The following DOCK9 variants were observed in gnomAD, a reference collection of about 807,000 sequenced individuals.
The protein encoded by DOCK9 is dedicator of cytokinesis 9.
A neutral mutation model predicts 263.3 loss-of-function variants in DOCK9; 89 were observed. The ratio of observed to expected loss-of-function variants is 0.34; its 90% confidence interval spans 0.28 to 0.40. DOCK9 has a LOEUF of 0.40. DOCK9 is among the 10% of genes least tolerant of loss of function. The probability of loss-of-function intolerance (pLI) is 1.00; values close to 1 mark genes in which losing one functional copy is unlikely to be tolerated. For synonymous variants in DOCK9, 976 were observed against 973.1 expected (o/e 1.00, Z -0.06); for missense variants, 2,140 against 2,603.4 (o/e 0.82, Z 3.87).
At chr13:98,902,209 A>C in intron 12 of DOCK9, 79 bp downstream of exon 12, 1 of 1,490,456 alleles carries the variant, frequency 6.7e-7, no homozygotes, top group Admixed American at 1.9e-5. Context: ...TACAAGGTCT[A>C]ATTTGAGCAT....
rs1425147014 is a variant in DOCK9, at chr13:98,874,976, C to G, written c.2943+4922G>C. On this transcript the variant is annotated intron_variant, in intron 27 of 52. Transcript: ENST00000682017. ...TCCAGCCTGAACTCTGCCCCAGCGGCCTTACCTGGGCCTGAGCTATTTCCT... is the reference window on the plus strand; with the variant it reads ...TCCAGCCTGAACTCTGCCCCAGCGGGCTTACCTGGGCCTGAGCTATTTCCT... 2.6e-5 allele frequency among the ~76,000 whole-genome samples: 4 copies of G among 152,166 alleles called. No individual in the cohort carries two copies. In the East Asian group the frequency reaches 7.7e-4, roughly 29 times the overall value.
Position 98,881,978 on chromosome 13 carries a change from C to T in DOCK9, c.2589G>A (p.Met863Ile), listed in dbSNP as rs2142737606. Residue 863 changes from methionine (M) to isoleucine (I), a missense_variant, in exon 24 of 53, where the codon ATG (methionine) becomes ATA (isoleucine). Transcript: ENST00000682017. The stretch of plus-strand genomic sequence containing the variant: ...TTAGGATAGTGGGCAAGAAGGCGAT[C>T]ATCACGTGGCCTTCCATCGCATGCA... ...KSLHAMEGHVMIAFLPTILNQ... is the reference protein window; with the variant it reads ...KSLHAMEGHVIIAFLPTILNQ... The T allele has an allele frequency of 6.3e-7, 1 of 1,596,826 alleles. No individual in the cohort carries two copies. Among genetic ancestry groups the T allele is most frequent in the East Asian group, 2.3e-5 (1 of 44,312 alleles).
intron 50 of DOCK9, 52 bp from the exon 51 acceptor site, chr13:98,797,541 C>A: frequency 6.7e-7 from 1 of 1,485,408 alleles, no homozygotes; most frequent in South Asian, 1.2e-5. Flanking sequence ...ATCACCATGA[C>A]CATCTGCTCA....
intron 2 of DOCK9, among the ~76,000 whole-genome samples, chr13:98,937,837 T>A (rs1364245188): frequency 6.6e-6 from 1 of 152,344 alleles, no homozygotes; most frequent in Middle Eastern, 3.4e-3. Flanking sequence ...AGATCCTTTT[T>A]ACTTAAAAAA....
chr13:99,086,339 G>C, exon 1 of DOCK9: 1 of 1,452,518 alleles, frequency 6.9e-7, no homozygotes, highest in Non-Finnish European at 9.0e-7. Context: ...GGGAGCAGCG[G>C]CGGCTGCGAC....
chr13:98,868,361 C>T lies in DOCK9; in HGVS notation c.2960G>A (p.Arg987Lys). Reference sequence around the variant, plus strand: ...TGCATGATGATAGGATGCAGGAAATCTCTGGTTTCGCAGCAACTAAAAAGA... The same window carrying T: ...TGCATGATGATAGGATGCAGGAAATTTCTGGTTTCGCAGCAACTAAAAAGA... ...NSKVKLLRNQ[R>K]FPASYHHAVE... The change falls in exon 28 of 53, where the codon AGA (arginine) becomes AAA (lysine). Residue 987 changes from arginine to lysine, a missense_variant. By Grantham distance (26) the Arg-to-Lys change is conservative (BLOSUM62 2). Coordinates refer to ENST00000682017, the MANE Select transcript of DOCK9 (RefSeq NM_001366683.2). The T allele has an allele frequency of 6.2e-7, 1 of 1,611,986 alleles. No individual in the cohort carries two copies. The highest frequency in any genetic ancestry group is 1.3e-5 in the African/African-American group (1 of 74,980).
At chr13:98,797,288 C>CA (rs2089539549) in intron 51 of DOCK9, 35 bp from the exon 52 acceptor site, 1 of 1,613,278 alleles carries the variant, frequency 6.2e-7, no homozygotes, top group Non-Finnish European at 8.5e-7. Flanking sequence ...CAAAGGCACG[C>CA]AGAGGATAAG....
intron 2 of DOCK9, among the ~76,000 whole-genome samples, chr13:98,937,754 A>T (rs1394178188): frequency 2.6e-5 from 4 of 151,382 alleles, no homozygotes; most frequent in Non-Finnish European, 4.4e-5. Context: ...AAAAGCACAG[A>T]GTTGCTCCCA....
chr13:98,914,315 A>G lies in DOCK9; in HGVS notation c.960+13T>C. On this transcript the variant is annotated intron_variant, in intron 9 of 52. Transcript: ENST00000682017. The stretch of plus-strand genomic sequence containing the variant: ...GCATTCAACGAAGAGCAGAAGATAT[A>G]AGACGATGTTACCTTGGCAAGTTCC... 6.2e-7 allele frequency: 1 copy of G among 1,604,270 alleles called. No individual in the cohort carries two copies. Among genetic ancestry groups the G allele is most frequent in the South Asian group, 1.1e-5 (1 of 88,734 alleles).
At chr13:98,871,976 C>G (rs2094199373) in intron 27 of DOCK9, 1 of 152,860 alleles carries the variant, frequency 6.5e-6, no homozygotes, top group Admixed American at 6.5e-5. Flanking sequence ...CCACACTCAG[C>G]CTGGCTGTGG....
chr13:98,908,549 G>A (rs2049477827), intron 9 of DOCK9, among the ~76,000 whole-genome samples: 1 of 152,180 alleles, frequency 6.6e-6, no homozygotes, highest in Non-Finnish European at 1.5e-5. Context: ...TGATATGTAT[G>A]TAAGGGGGAA....
chr13:98,930,289 G>A lies in DOCK9; in HGVS notation c.244-32C>T, dbSNP rs376048621. 1.1e-5 allele frequency: 18 copies of A among 1,574,618 alleles called. No individual in the cohort carries two copies. The African/African-American group carries it at 2.2e-4, about 19-fold the overall frequency. On this transcript the variant is annotated intron_variant, in intron 2 of 52. Coordinates refer to ENST00000682017, the MANE Select transcript of DOCK9 (RefSeq NM_001366683.2). ...ACAAAAACAGGAGGAAAAGCCTTGG[G>A]TAAGTGAAGGAGGCAGGTGCCAGCC...
intron 2 of DOCK9, among the ~76,000 whole-genome samples, chr13:98,948,038 G>A (rs1216917729): frequency 1.3e-5 from 2 of 152,116 alleles, no homozygotes; most frequent in African/African-American, 4.8e-5. Flanking sequence ...AAAACATCGT[G>A]AAAAATAAGT....
intron 15 of DOCK9, 30 bp from the exon 16 acceptor site, chr13:98,888,741 A>T (rs1595007902): frequency 1.3e-6 from 2 of 1,590,674 alleles, no homozygotes; most frequent in East Asian, 4.5e-5. Context: ...AAAATTAAAC[A>T]TTCGTAAGTT....
At chr13:99,052,421 T>C (rs2040738029) in intron 1 of DOCK9, among the ~76,000 whole-genome samples, 2 of 152,218 alleles carry the variant, frequency 1.3e-5, no homozygotes, top group Admixed American at 6.5e-5. Flanking sequence ...CTATCCTAAA[T>C]GATTTCAAAG....
At chr13:98,978,907 A>G (rs974837949), upstream of DOCK9, among the ~76,000 whole-genome samples, 3 of 152,088 alleles carry the variant, frequency 2.0e-5, no homozygotes, top group African/African-American at 7.2e-5. Flanking sequence ...AAAAGTCTGT[A>G]TTTTTATTAT....
At chr13:98,888,886 C>T (rs920166725) in intron 15 of DOCK9, among the ~76,000 whole-genome samples, 175 bp from the exon 16 acceptor site, 1 of 152,168 alleles carries the variant, frequency 6.6e-6, no homozygotes, top group African/African-American at 2.4e-5. Flanking sequence ...TAATAATATA[C>T]TTCACTCAAC....
In DOCK9 at chr13:98,973,634, T is replaced by C. The variant is rs1031193291; in HGVS notation, c.126+4150A>G. ...TTCTTTGAGACAAGGTCTTACTCTG[T>C]CACCCAGCCTGGAGTCCAGTGGCGT... is the stretch of plus-strand genomic sequence containing the variant. On this transcript the variant is annotated intron_variant, in intron 1 of 52. Coordinates refer to ENST00000682017, the MANE Select transcript of DOCK9 (RefSeq NM_001366683.2). Among the ~76,000 whole-genome samples, 3 of 152,222 alleles carry C rather than the reference T, an allele frequency of 2.0e-5. No homozygotes were observed. In the South Asian group the frequency reaches 6.2e-4, roughly 31 times the overall value.
At chr13:99,064,746 GGAGAA>G (rs1176742036) in intron 1 of DOCK9, among the ~76,000 whole-genome samples, 1 of 152,206 alleles carries the variant, frequency 6.6e-6, no homozygotes, top group African/African-American at 2.4e-5. Context: ...AGACAGTGGT[GGAGAA>G]GACAGCTGGT....
Sources: gnomAD v4.1 joint callset for allele counts (sites outside exome capture counted in the v4.1 genomes callset) on GRCh38, gnomAD v4.1.1 for gene constraint, MANE v1.5 for transcripts, NCBI Gene and HGNC (gene_info 2026-07-23, HGNC 2026-07-21) for gene names.